DCLRE1C: variants seen among roughly 807,000 people sequenced by gnomAD.
The protein encoded by DCLRE1C is protein artemis.
A neutral mutation model predicts 61.4 loss-of-function variants in DCLRE1C; 47 were observed. That is an observed-to-expected ratio of 0.77 (90% CI 0.61 to 0.98). The LOEUF (loss-of-function observed/expected upper bound fraction) is 0.98, where lower values mean the gene tolerates loss of function less well. DCLRE1C is among the 50% of genes least tolerant of loss of function. DCLRE1C has a pLI of 0.00. For missense variants in DCLRE1C, 858 were observed against 816.0 expected, an observed-to-expected ratio of 1.05 and a Z score of -0.63; for synonymous variants, 337 against 287.6, an observed-to-expected ratio of 1.17 and a Z score of -1.74.
At position 14,908,339 on chromosome 10, in the gene DCLRE1C, T is replaced by C. The variant is rs1029887366; in HGVS notation, c.*69A>G. Reference sequence around the variant, plus strand: ...ATTTTTAAGTACTGTATTTTCTCTATTGTAATATTGACTGTCATCTCTGTG... The same window carrying C: ...ATTTTTAAGTACTGTATTTTCTCTACTGTAATATTGACTGTCATCTCTGTG... On this transcript the variant is annotated 3_prime_UTR_variant, in exon 14 of 14. Coordinates refer to ENST00000378278, the MANE Select transcript of DCLRE1C (RefSeq NM_001033855.3). 2.5e-6 allele frequency: 3 copies of C among 1,222,282 alleles called. No homozygotes were observed. The highest frequency in any genetic ancestry group is 1.5e-5 in the African/African-American group (1 of 66,808). The allele number at this position is 1,222,282 out of a possible 1,614,324, so 75.7% of individuals were successfully genotyped here. A position where few individuals can be genotyped will look rare whatever the true frequency, so the allele number is the denominator to read the frequency against.
chr10:14,904,348 ATG>A (rs1215492385), downstream of DCLRE1C: 1 of 123,324 alleles, frequency 8.1e-6, no homozygotes, highest in African/African-American at 3.4e-5. Flanking sequence ...TTTTTGCAGA[ATG>A]TGTCAACAAA....
At chr10:14,917,490 AAAAAAAAAC>A (rs1279281623) in intron 13 of DCLRE1C, among the ~76,000 whole-genome samples, 4 of 151,966 alleles carry the variant, frequency 2.6e-5, no homozygotes, top group East Asian at 1.9e-4. Context: ...TATATTTAAA[AAAAAAAAAC>A]AAAAAAAACT....
chr10:14,915,359 C>T (rs912498121), intron 13 of DCLRE1C, among the ~76,000 whole-genome samples: 1 of 151,484 alleles, frequency 6.6e-6, no homozygotes, highest in African/African-American at 2.4e-5. Flanking sequence ...CCAAAAACTT[C>T]TTATTTGAGA....
chr10:14,900,541 T>C (rs1483160998), downstream of DCLRE1C, among the ~76,000 whole-genome samples: 2 of 152,216 alleles, frequency 1.3e-5, no homozygotes, highest in Non-Finnish European at 2.9e-5. Context: ...TTCGAGATAC[T>C]CTCAAAATAG....
chr10:14,901,124 C>T, downstream of DCLRE1C: 1 of 1,613,434 alleles, frequency 6.2e-7, no homozygotes, highest in Non-Finnish European at 8.5e-7. Context: ...TTCTAATGTT[C>T]CTTTTTAGTG....
chr10:14,943,262 G>A (rs1472199258), intron 3 of DCLRE1C, among the ~76,000 whole-genome samples: 1 of 152,164 alleles, frequency 6.6e-6, no homozygotes, highest in Admixed American at 6.5e-5. Context: ...CTCAGATCAA[G>A]CACTGGGTGA....
In DCLRE1C at chr10:14,928,169, G is replaced by T; in HGVS notation, c.781-17C>A. 6.2e-7 allele frequency: 1 copy of T among 1,610,732 alleles called. No homozygotes were observed. Among genetic ancestry groups the T allele is most frequent in the Non-Finnish European group, 8.5e-7 (1 of 1,177,838 alleles). On this transcript the variant is annotated splice_polypyrimidine_tract_variant and intron_variant, in intron 9 of 13. Transcript: ENST00000378278. ...TTCCTCTGCCTAAAAAAGATAAAAA[G>T]CATAGAAAAACAGTTCTACATTTTC...
At position 14,943,545 on chromosome 10, in the gene DCLRE1C, T is replaced by C. The variant is rs555676879; in HGVS notation, c.246+1560A>G. Among the ~76,000 whole-genome samples the C allele has an allele frequency of 1.1e-4, 16 of 152,290 alleles. No homozygotes were observed. In the East Asian group the frequency reaches 3.1e-3, roughly 29 times the overall value. ...CTCTTATAGACTAATACTCATGAAT[T>C]TGTCTAACTTTTTTGTTTGTTTTTG... On this transcript the variant is annotated intron_variant, in intron 3 of 13. Coordinates refer to ENST00000378278, the MANE Select transcript of DCLRE1C (RefSeq NM_001033855.3).
exon 14 of DCLRE1C, chr10:14,897,458 G>T: frequency 6.2e-7 from 1 of 1,609,200 alleles, no homozygotes. Flanking sequence ...ACGTGGCTGG[G>T]GTGTAAAGAC....
chr10:14,908,616 AGAG>A lies in DCLRE1C; in HGVS notation c.1868_1870del (p.Thr623_Leu624delinsIle). ...CTCGGGTATATGTGTCTCACTGCTTAGAGTAGTTGGTTCTCCAGTACTAGGAAC... is the reference window on the plus strand; with the variant it reads ...CTCGGGTATATGTGTCTCACTGCTTATAGTTGGTTCTCCAGTACTAGGAAC... On this transcript the variant is annotated inframe_deletion, in exon 14 of 14. Transcript: ENST00000378278. 2 of 1,614,178 alleles carry A rather than the reference AGAG, an allele frequency of 1.2e-6. No homozygotes were observed. The highest frequency in any genetic ancestry group is 1.7e-6 in the Non-Finnish European group (2 of 1,180,018).
At chr10:14,939,964 T>C in intron 3 of DCLRE1C, 95 bp from the exon 4 acceptor site, 2 of 907,610 alleles carry the variant, frequency 2.2e-6, no homozygotes, top group Non-Finnish European at 3.5e-6. Context: ...CAAAGAGAAG[T>C]TTCAGACTCT....
chr10:14,903,854 C>T (rs1834178843), downstream of DCLRE1C: 1 of 152,148 alleles, frequency 6.6e-6, no homozygotes, highest in Non-Finnish European at 1.5e-5. Context: ...TAAAATTGAA[C>T]CAACTTCAAG....
At chr10:14,921,834 ACTT>A (rs41299680) in intron 12 of DCLRE1C, among the ~76,000 whole-genome samples, 45 of 151,904 alleles carry the variant, frequency 3.0e-4, no homozygotes, top group African/African-American at 1.1e-3. Context: ...ACTCCTGGTG[ACTT>A]CTTCTTTTCT....
At position 14,941,676 on chromosome 10, in the gene DCLRE1C, T is replaced by A. The variant is rs150041679; in HGVS notation, c.247-1807A>T. ...TTATTGTATGCATTTAGTTTCCACG[T>A]GTATGGGAAGATTTTAGCTGTCCCT... On this transcript the variant is annotated intron_variant, in intron 3 of 13. Coordinates refer to ENST00000378278, the MANE Select transcript of DCLRE1C (RefSeq NM_001033855.3). 4.9e-3 allele frequency among the ~76,000 whole-genome samples: 750 copies of A among 152,320 alleles called. 14 individuals are homozygous for A. Among genetic ancestry groups the A allele is most frequent in the East Asian group, 0.013 (70 of 5,190 alleles).
intron 1 of DCLRE1C, among the ~76,000 whole-genome samples, chr10:14,953,086 T>C (rs1023833217): frequency 3.3e-5 from 5 of 152,358 alleles, no homozygotes; most frequent in Admixed American, 6.5e-5. Flanking sequence ...AGGCAGCAAC[T>C]CCAGTGATTC....
rs59865927 is a variant in DCLRE1C at position 14,904,916 on chromosome 10, G to T, written c.*3492C>A. ...TTTTCAGGATCTACATTAAGAGGAT[G>T]GTGATACATAATTAGTAATCTCAGG... On this transcript the variant is annotated 3_prime_UTR_variant, in exon 14 of 14. Transcript: ENST00000378278. 0.14 allele frequency among the ~76,000 whole-genome samples: 21,908 copies of T among 152,176 alleles called. 2,247 individuals are homozygous for T. The highest frequency in any genetic ancestry group is 0.28 in the African/African-American group (11,647 of 41,482).
intron 4 of DCLRE1C, among the ~76,000 whole-genome samples, chr10:14,937,472 T>C (rs1840132730): frequency 6.6e-6 from 1 of 151,864 alleles, no homozygotes; most frequent in African/African-American, 2.4e-5. Flanking sequence ...TTAGTAGAGA[T>C]GGGGTTTCAC....
At chr10:14,944,355 C>A (rs577107857) in intron 3 of DCLRE1C, among the ~76,000 whole-genome samples, 5 of 151,902 alleles carry the variant, frequency 3.3e-5, no homozygotes, top group African/African-American at 4.8e-5. Flanking sequence ...AAATATTAGC[C>A]GGGTATGGTG....
At chr10:14,912,399 C>A (rs575053374) in intron 13 of DCLRE1C, among the ~76,000 whole-genome samples, 5 of 152,054 alleles carry the variant, frequency 3.3e-5, no homozygotes, top group African/African-American at 1.2e-4. Context: ...TTAGGGCAGC[C>A]CAAGCCAACT....
Sources: allele counts gnomAD v4.1 joint callset (sites outside exome capture counted in the v4.1 genomes callset), GRCh38; gene constraint gnomAD v4.1.1; transcripts MANE v1.5; gene names NCBI Gene and HGNC (gene_info 2026-07-23, HGNC 2026-07-21).